DCAF6: variants seen among roughly 807,000 people sequenced by gnomAD.
The protein encoded by DCAF6 is DDB1 and CUL4 associated factor 6.
Under a neutral mutation model 125.1 loss-of-function variants are expected in DCAF6, and 54 were observed. The ratio of observed to expected loss-of-function variants is 0.43; its 90% CI spans 0.35 to 0.54. The LOEUF is 0.54. DCAF6 is among the 20% of genes least tolerant of loss of function. DCAF6 has a pLI of 0.01. For missense variants in DCAF6, 934 were observed against 1,161.7 expected, an observed-to-expected ratio of 0.80 and a Z score of 2.85; for synonymous variants, 371 against 390.4, an observed-to-expected ratio of 0.95 and a Z score of 0.58.
chr1:168,016,413 T>G (rs1432985148), intron 11 of DCAF6, among the ~76,000 whole-genome samples: 1 of 152,212 alleles, frequency 6.6e-6, no homozygotes, highest in Non-Finnish European at 1.5e-5. Flanking sequence ...TTGGCCATAC[T>G]AGCATGCTGA....
intron 2 of DCAF6, among the ~76,000 whole-genome samples, chr1:167,964,060 A>G (rs1453181358): frequency 2.0e-5 from 3 of 152,226 alleles, no homozygotes; most frequent in African/African-American, 2.4e-5. Flanking sequence ...ATTTTGAACA[A>G]TAAAATAATT....
At chr1:168,060,297 G>A (rs537221041) in intron 17 of DCAF6, among the ~76,000 whole-genome samples, 13 of 151,860 alleles carry the variant, frequency 8.6e-5, no homozygotes, top group South Asian at 4.2e-4. Flanking sequence ...CTCCCACCTC[G>A]GCCTCCCAAA....
At chr1:167,874,170 A>G in the DCAF6 span, among the ~76,000 whole-genome samples, 1 of 152,138 alleles carries the variant, frequency 6.6e-6, no homozygotes, top group Non-Finnish European at 1.5e-5. Context: ...TGCCTCCACT[A>G]AAATATAAAA....
At chr1:168,022,561 A>T (rs1324397808) in intron 11 of DCAF6, among the ~76,000 whole-genome samples, 4 of 152,222 alleles carry the variant, frequency 2.6e-5, no homozygotes, top group African/African-American at 9.6e-5. Flanking sequence ...AGCAAACAAC[A>T]TCTCTCAAAG....
chr1:168,012,892 C>A (rs952508873), intron 10 of DCAF6, among the ~76,000 whole-genome samples: 1 of 152,046 alleles, frequency 6.6e-6, no homozygotes, highest in Admixed American at 6.6e-5. Flanking sequence ...GTACTGAGAT[C>A]TTGCTGTTTG....
chr1:167,989,806 A>C lies in DCAF6; in HGVS notation c.553-1398A>C, dbSNP rs543176316. Among the ~76,000 whole-genome samples the C allele has an allele frequency of 1.2e-4, 19 of 152,126 alleles. No individual in the cohort carries two copies. The South Asian group carries it at 3.9e-3, about 32-fold the overall frequency. On this transcript the variant is annotated intron_variant, in intron 5 of 21. Coordinates refer to ENST00000367840, the MANE Select transcript of DCAF6 (RefSeq NM_001198956.2). ...TGAGGCTGGAGAATCTCTTGAACCC[A>C]GGAGGTGGAGGTTGCACTGCACTCC...
intron 1 of DCAF6, 121 bp from the exon 2 acceptor site, chr1:167,951,679 G>C: frequency 3.1e-6 from 2 of 644,752 alleles, no homozygotes; most frequent in Non-Finnish European, 5.4e-6. Context: ...TTTATAAATG[G>C]TGGAGCTGAA....
At chr1:168,053,209 G>A (rs1044244542) in intron 17 of DCAF6, among the ~76,000 whole-genome samples, 2 of 151,910 alleles carry the variant, frequency 1.3e-5, no homozygotes, top group African/African-American at 4.8e-5. Context: ...TATACCTACT[G>A]TACTACCTAT....
chr1:168,048,297 A>G (rs1689392106), intron 16 of DCAF6, among the ~76,000 whole-genome samples: 1 of 152,214 alleles, frequency 6.6e-6, no homozygotes, highest in Non-Finnish European at 1.5e-5. Context: ...TAGCTGGGGT[A>G]GAGAAGTGGT....
intron 2 of DCAF6, among the ~76,000 whole-genome samples, chr1:167,961,881 C>T (rs150091905): frequency 1.3e-5 from 2 of 152,286 alleles, no homozygotes; most frequent in African/African-American, 4.8e-5. Flanking sequence ...CTTTGTTGCA[C>T]CTCACAGATT....
At chr1:168,058,207 T>A (rs758328145) in intron 17 of DCAF6, among the ~76,000 whole-genome samples, 18 of 152,330 alleles carry the variant, frequency 1.2e-4, no homozygotes, top group Non-Finnish European at 2.5e-4. Flanking sequence ...AAACCACAGT[T>A]TATCCATTTT....
intron 1 of DCAF6, among the ~76,000 whole-genome samples, chr1:167,948,546 T>A (rs1468138069): frequency 2.0e-5 from 3 of 152,228 alleles, no homozygotes; most frequent in Non-Finnish European, 4.4e-5. Flanking sequence ...TGTGAATAAA[T>A]AACTTACAAA....
At chr1:167,906,193 G>C in the DCAF6 span, among the ~76,000 whole-genome samples, 2 of 151,664 alleles carry the variant, frequency 1.3e-5, no homozygotes, top group Non-Finnish European at 2.9e-5. Context: ...AAAAATATTT[G>C]TACATTTAAC....
chr1:167,864,793 A>G, the DCAF6 span, among the ~76,000 whole-genome samples: 1 of 152,074 alleles, frequency 6.6e-6, no homozygotes, highest in African/African-American at 2.4e-5. Context: ...ACAAGGGCGT[A>G]TCCCGAAAGC....
At chr1:167,899,632 G>A in the DCAF6 span, 7 of 1,613,600 alleles carry the variant, frequency 4.3e-6, no homozygotes, top group Non-Finnish European at 5.9e-6. Flanking sequence ...GCCAGTCCTG[G>A]CAAGAAGGCA....
intron 16 of DCAF6, 79 bp downstream of exon 16, chr1:168,045,306 C>T: frequency 7.5e-7 from 1 of 1,335,812 alleles, no homozygotes; most frequent in East Asian, 2.5e-5. Flanking sequence ...AAGGGAATCT[C>T]TCCATTTTTG....
In DCAF6 at chr1:168,072,307, A is replaced by T. The variant is rs1320980515; in HGVS notation, c.2792-3064A>T. ...GGAGAATCAGTCTAAAAAAAAAAAA[A>T]AAAAAAAAAAAAAAAAAAGAAAAGA... On this transcript the variant is annotated intron_variant, in intron 21 of 21. Transcript: ENST00000367840. Among the ~76,000 whole-genome samples, 2 of 146,334 alleles carry T rather than the reference A, an allele frequency of 1.4e-5. 1 individual carries two copies. Among genetic ancestry groups the T allele is most frequent in the African/African-American group, 5.0e-5 (2 of 39,726 alleles).
At chr1:167,945,647 A>G (rs754164857) in intron 1 of DCAF6, among the ~76,000 whole-genome samples, 1 of 152,052 alleles carries the variant, frequency 6.6e-6, no homozygotes, top group Non-Finnish European at 1.5e-5. Flanking sequence ...GCGCACCACT[A>G]TGCCCAGCTA....
intron 3 of DCAF6, among the ~76,000 whole-genome samples, chr1:167,968,819 T>C (rs1227234960): frequency 6.6e-6 from 1 of 152,224 alleles, no homozygotes; most frequent in African/African-American, 2.4e-5. Context: ...GGAAAAATAT[T>C]TGAAGGACTC....
Sources: allele counts gnomAD v4.1 joint callset (sites outside exome capture counted in the v4.1 genomes callset), GRCh38; gene constraint gnomAD v4.1.1; transcripts MANE v1.5; gene names NCBI Gene and HGNC (gene_info 2026-07-23, HGNC 2026-07-21).